GABPB1: variants seen among roughly 807,000 people sequenced by gnomAD.
GABPB1 encodes the protein GA binding protein transcription factor subunit beta 1.
GABPB1 carries 15 observed loss-of-function variants against 45.9 expected under a neutral mutation model. That is an observed-to-expected ratio of 0.33 (90% CI 0.22 to 0.50). The LOEUF (loss-of-function observed/expected upper bound fraction) is 0.50, where lower values mean the gene tolerates loss of function less well. Ranked by LOEUF, GABPB1 falls within the 20% of genes least tolerant of loss-of-function variation. The pLI is 0.98. For synonymous variants in GABPB1, 143 were observed against 154.4 expected (o/e 0.93, Z 0.55); for missense variants, 252 against 457.5 (o/e 0.55, Z 4.10).
chr15:50,314,815 C>T (rs887207129), intron 1 of GABPB1: 2 of 152,212 alleles, frequency 1.3e-5, no homozygotes, highest in Non-Finnish European at 2.9e-5. Flanking sequence ...TGCAGCCATA[C>T]TATAAATCTA....
chr15:50,334,545 T>C (rs1342191078), intron 1 of GABPB1, among the ~76,000 whole-genome samples: 2 of 147,130 alleles, frequency 1.4e-5, no homozygotes, highest in South Asian at 2.2e-4. Flanking sequence ...TCTCATTCTG[T>C]CACCCAGGCT....
intron 6 of GABPB1, among the ~76,000 whole-genome samples, chr15:50,290,286 G>A (rs549415223): frequency 4.6e-5 from 7 of 152,238 alleles, no homozygotes; most frequent in African/African-American, 1.7e-4. Context: ...GGTTATATCT[G>A]TTTCGTAAAA....
At chr15:50,342,357 C>T (rs1440985123) in intron 1 of GABPB1, among the ~76,000 whole-genome samples, 3 of 151,426 alleles carry the variant, frequency 2.0e-5, no homozygotes, top group Non-Finnish European at 4.4e-5. Flanking sequence ...GGAGTAAAGG[C>T]TAATGGTTTA....
chr15:50,328,837 T>C (rs1053600857), intron 1 of GABPB1, among the ~76,000 whole-genome samples: 4 of 152,224 alleles, frequency 2.6e-5, no homozygotes, highest in Non-Finnish European at 5.9e-5. Context: ...TCTACATTAC[T>C]TGGCATCCCT....
intron 4 of GABPB1, 97 bp downstream of exon 4, chr15:50,302,832 C>A: frequency 2.5e-6 from 2 of 806,724 alleles, no homozygotes; most frequent in South Asian, 1.8e-5. Flanking sequence ...AAATGAAAGG[C>A]TACAAACAAT....
chr15:50,336,353 C>A (rs376487681), intron 1 of GABPB1, among the ~76,000 whole-genome samples: 63,478 of 115,720 alleles, frequency 0.55, 16,431 homozygotes, highest in Middle Eastern at 0.68. Context: ...GACTCTGTCC[C>A]AAAAAAAAAA....
chr15:50,281,520 T>C (rs1447309016), intron 8 of GABPB1, among the ~76,000 whole-genome samples: 7 of 152,194 alleles, frequency 4.6e-5, no homozygotes, highest in African/African-American at 1.7e-4. Flanking sequence ...CTAAATGTTT[T>C]TTAAAAGAGA....
At chr15:50,310,989 A>C (rs1467220531) in intron 1 of GABPB1, among the ~76,000 whole-genome samples, 1 of 152,044 alleles carries the variant, frequency 6.6e-6, no homozygotes, top group Non-Finnish European at 1.5e-5. Context: ...AAAAAAAAAA[A>C]AAACCAGGAA....
At chr15:50,307,190 T>C (rs2046979385) in intron 2 of GABPB1, among the ~76,000 whole-genome samples, 1 of 152,194 alleles carries the variant, frequency 6.6e-6, no homozygotes. Context: ...CCAAAAATAT[T>C]TGAGAGTTCC....
At position 50,280,308 on chromosome 15, in the gene GABPB1, T is replaced by C. The variant is rs1020124618; in HGVS notation, c.1000-1524A>G. Among the ~76,000 whole-genome samples the C allele has an allele frequency of 2.6e-5, 4 of 152,166 alleles. No homozygotes were observed. The East Asian group carries it at 7.7e-4, about 29-fold the overall frequency. On this transcript the variant is annotated intron_variant, in intron 8 of 8. Transcript: ENST00000380877. ...AAGACAACCTAGGATGAGTCCAAGGTAAGCAATCAATGCCAGTACCCTGGC... is the reference window on the plus strand; with the variant it reads ...AAGACAACCTAGGATGAGTCCAAGGCAAGCAATCAATGCCAGTACCCTGGC...
At chr15:50,292,699 A>ATCTGATGTTTTTAG (rs1213115486) in intron 6 of GABPB1, among the ~76,000 whole-genome samples, 3 of 152,190 alleles carry the variant, frequency 2.0e-5, no homozygotes, top group Non-Finnish European at 4.4e-5. Flanking sequence ...TTTTTTAATT[A>ATCTGATGTTTTTAG]ATGTTGATGT....
chr15:50,281,357 G>C (rs1025200689), intron 8 of GABPB1, among the ~76,000 whole-genome samples: 3 of 151,040 alleles, frequency 2.0e-5, no homozygotes, highest in African/African-American at 7.3e-5. Context: ...GACTATAGGC[G>C]CACGCCACCA....
chr15:50,283,656 G>A (rs2046065557), intron 8 of GABPB1, among the ~76,000 whole-genome samples: 1 of 152,026 alleles, frequency 6.6e-6, no homozygotes, highest in South Asian at 2.1e-4. Flanking sequence ...GACTACAGGT[G>A]CGTGCCACCA....
rs150120046 is a variant in GABPB1, at chr15:50,295,325, C to T, written c.697+5464G>A. On this transcript the variant is annotated intron_variant, in intron 6 of 8. Coordinates refer to ENST00000380877, the MANE Select transcript of GABPB1 (RefSeq NM_016654.5). ...TCAACCACCTTGAGTGACTCTTCCA[C>T]TTACTGGGTTTAGATGCACTGGCCT... Among the ~76,000 whole-genome samples, 14 of 152,330 alleles carry T rather than the reference C, an allele frequency of 9.2e-5. No homozygotes were observed. In the East Asian group the frequency reaches 2.7e-3, roughly 29 times the overall value.
intron 6 of GABPB1, among the ~76,000 whole-genome samples, chr15:50,294,771 C>A (rs1435366810): frequency 6.6e-6 from 1 of 152,020 alleles, no homozygotes; most frequent in African/African-American, 2.4e-5. Context: ...AAAGAAGGAA[C>A]TTTTTTATTT....
intron 7 of GABPB1, among the ~76,000 whole-genome samples, chr15:50,288,664 C>T (rs1474602297): frequency 6.6e-6 from 1 of 152,080 alleles, no homozygotes; most frequent in Non-Finnish European, 1.5e-5. Flanking sequence ...ATGTGGAATT[C>T]TGAGGTTTTT....
chr15:50,354,218 C>T, intron 1 of GABPB1: 1 of 341,248 alleles, frequency 2.9e-6, no homozygotes, highest in Non-Finnish European at 5.7e-6. Flanking sequence ...AAATTCTCAA[C>T]TTCTTCCCTG....
At chr15:50,325,304 CAAAAAAAAA>C (rs35524259) in intron 1 of GABPB1, among the ~76,000 whole-genome samples, 1 of 120,998 alleles carries the variant, frequency 8.3e-6, no homozygotes, top group African/African-American at 3.2e-5. Context: ...GATGTTATGC[CAAAAAAAAA>C]AAAAAAAAAG....
chr15:50,322,918 A>G (rs987033869), intron 1 of GABPB1, among the ~76,000 whole-genome samples: 2 of 152,086 alleles, frequency 1.3e-5, no homozygotes, highest in Non-Finnish European at 2.9e-5. Context: ...AGTCCCAACT[A>G]CTTCGGAGGC....
Sources: gnomAD v4.1 joint callset for allele counts (sites outside exome capture counted in the v4.1 genomes callset) on GRCh38, gnomAD v4.1.1 for gene constraint, MANE v1.5 for transcripts, NCBI Gene and HGNC (gene_info 2026-07-23, HGNC 2026-07-21) for gene names.